Variants in CSMD1 observed in about 807,000 individuals in gnomAD.
CSMD1 encodes CUB and Sushi multiple domains 1, also known as CUB and sushi domain-containing protein 1.
CSMD1 carries 213 observed loss-of-function variants against 417.5 expected under a neutral mutation model. The observed-to-expected ratio is 0.51, with a 90% CI of 0.46 to 0.57. The LOEUF (loss-of-function observed/expected upper bound fraction) is 0.57. CSMD1 is among the 20% of genes least tolerant of loss of function. The pLI is 0.00. For synonymous variants in CSMD1, 2,862 were observed against 1,736.8 expected (o/e 1.65, Z -16.11); for missense variants, 6,923 against 4,529.7 (o/e 1.53, Z -15.17).
intron 2 of CSMD1, among the ~76,000 whole-genome samples, chr8:4,572,146 C>T (rs915890192): frequency 1.2e-4 from 18 of 152,138 alleles, no homozygotes; most frequent in Non-Finnish European, 2.4e-4. Context: ...TGTGTGAATT[C>T]GAACCTGTCA....
intron 7 of CSMD1, among the ~76,000 whole-genome samples, chr8:3,664,172 T>A (rs28565494): frequency 0.088 from 13,378 of 152,140 alleles, 905 homozygotes; most frequent in African/African-American, 0.19. Flanking sequence ...CCTAATACTA[T>A]CCCTACCCTA....
intron 29 of CSMD1, 23 bp from the exon 30 acceptor site, chr8:3,214,714 C>T (rs982632517): frequency 3.9e-6 from 6 of 1,530,544 alleles, no homozygotes; most frequent in Non-Finnish European, 5.3e-6. Context: ...TGAATGTAAA[C>T]TGCATGAGAG....
At chr8:3,075,111 C>G (rs1360214820) in intron 49 of CSMD1, among the ~76,000 whole-genome samples, 1 of 152,100 alleles carries the variant, frequency 6.6e-6, no homozygotes, top group Non-Finnish European at 1.5e-5. Flanking sequence ...AGGCGATGTG[C>G]CTGATCCCCC....
intron 1 of CSMD1, among the ~76,000 whole-genome samples, chr8:4,818,843 T>C (rs747468660): frequency 1.3e-5 from 2 of 152,238 alleles, no homozygotes; most frequent in Non-Finnish European, 2.9e-5. Context: ...ATTATCATTT[T>C]TCCCACTTCA....
At chr8:4,498,852 T>C (rs1802110008) in intron 2 of CSMD1, among the ~76,000 whole-genome samples, 1 of 152,196 alleles carries the variant, frequency 6.6e-6, no homozygotes, top group Non-Finnish European at 1.5e-5. Context: ...CTTTGGTTTC[T>C]ATGCTTACTA....
chr8:3,944,662 G>T (rs1222740529), intron 5 of CSMD1, among the ~76,000 whole-genome samples: 1 of 152,148 alleles, frequency 6.6e-6, no homozygotes, highest in Non-Finnish European at 1.5e-5. Flanking sequence ...CATTTTTGGG[G>T]AATGGTGGGA....
chr8:3,038,506 T>A (rs1810849933), intron 50 of CSMD1, among the ~76,000 whole-genome samples: 1 of 152,232 alleles, frequency 6.6e-6, no homozygotes, highest in Non-Finnish European at 1.5e-5. Context: ...GATTGTTTCC[T>A]TATTTACTTC....
intron 4 of CSMD1, among the ~76,000 whole-genome samples, chr8:4,004,995 C>A (rs778862862): frequency 1.3e-5 from 2 of 152,144 alleles, no homozygotes; most frequent in African/African-American, 2.4e-5. Flanking sequence ...CTGCCAGCCT[C>A]AGCCTCCCTA....
intron 5 of CSMD1, among the ~76,000 whole-genome samples, chr8:3,824,250 A>AG (rs760178229): frequency 1.3e-4 from 20 of 149,896 alleles, no homozygotes; most frequent in Admixed American, 1.2e-3. Context: ...AAAAACAAAA[A>AG]CCAAAAAAAA....
At chr8:3,908,249 T>A (rs146472356) in intron 5 of CSMD1, among the ~76,000 whole-genome samples, 1 of 86,364 alleles carries the variant, frequency 1.2e-5, no homozygotes, top group Non-Finnish European at 2.9e-5. Flanking sequence ...TTAGGAGATA[T>A]GAGAAAGCTG....
chr8:3,423,443 C>T, intron 12 of CSMD1, among the ~76,000 whole-genome samples: 1 of 152,238 alleles, frequency 6.6e-6, no homozygotes, highest in East Asian at 1.9e-4. Context: ...ACATTTTTGT[C>T]TCTGGTTTCT....
At chr8:4,579,795 GCTTA>G (rs1385334449) in intron 2 of CSMD1, among the ~76,000 whole-genome samples, 1 of 151,866 alleles carries the variant, frequency 6.6e-6, no homozygotes, top group Non-Finnish European at 1.5e-5. Flanking sequence ...TCCATTATTG[GCTTA>G]CTTGTGTTCC....
At chr8:3,657,084 A>C (rs931856309) in intron 7 of CSMD1, among the ~76,000 whole-genome samples, 1 of 152,118 alleles carries the variant, frequency 6.6e-6, no homozygotes, top group Non-Finnish European at 1.5e-5. Flanking sequence ...AGAGTCCACT[A>C]CCGAGTTGCT....
intron 5 of CSMD1, among the ~76,000 whole-genome samples, chr8:3,931,236 A>C (rs1810115929): frequency 6.6e-6 from 1 of 150,696 alleles, no homozygotes; most frequent in African/African-American, 2.4e-5. Context: ...ATGATAATAC[A>C]TTTTGTTAGT....
intron 1 of CSMD1, among the ~76,000 whole-genome samples, chr8:4,720,347 T>C (rs549051323): frequency 2.0e-5 from 3 of 152,246 alleles, no homozygotes; most frequent in Non-Finnish European, 2.9e-5. Context: ...CATGGTACCA[T>C]GTATTATCTC....
intron 3 of CSMD1, among the ~76,000 whole-genome samples, chr8:4,239,252 G>C (rs932432972): frequency 6.6e-6 from 1 of 152,178 alleles, no homozygotes; most frequent in East Asian, 1.9e-4. Context: ...CATTACAGTG[G>C]ATGCTGAGGT....
intron 4 of CSMD1, among the ~76,000 whole-genome samples, chr8:4,028,239 C>G (rs963531732): frequency 1.3e-5 from 2 of 152,090 alleles, no homozygotes; most frequent in African/African-American, 4.8e-5. Flanking sequence ...CGATTAATCC[C>G]AAATCTAACA....
intron 1 of CSMD1, among the ~76,000 whole-genome samples, chr8:4,815,072 T>C (rs1410021059): frequency 2.0e-5 from 3 of 152,146 alleles, no homozygotes; most frequent in Admixed American, 1.3e-4. Flanking sequence ...AATTAGGTAG[T>C]ATCCCGCTGG....
chr8:3,588,247 A>C (rs1483944659), intron 8 of CSMD1, among the ~76,000 whole-genome samples: 1 of 152,140 alleles, frequency 6.6e-6, no homozygotes, highest in Non-Finnish European at 1.5e-5. Context: ...GCAGAAGTGA[A>C]TAGCACAAAG....
Sources: allele counts gnomAD v4.1 joint callset (sites outside exome capture counted in the v4.1 genomes callset), GRCh38; gene constraint gnomAD v4.1.1; transcripts MANE v1.5; gene names NCBI Gene and HGNC (gene_info 2026-07-23, HGNC 2026-07-21).